CACNA2D3: variants seen among roughly 807,000 people sequenced by gnomAD.
CACNA2D3 encodes calcium voltage-gated channel auxiliary subunit alpha2delta 3, also known as voltage-dependent calcium channel subunit alpha-2/delta-3.
A neutral mutation model predicts 160.6 loss-of-function variants in CACNA2D3; 60 were observed. That is an observed-to-expected ratio of 0.37 (90% CI 0.30 to 0.46). The LOEUF is 0.46. Among genes scored for constraint, CACNA2D3 ranks in the 20% least tolerant of loss-of-function variants. CACNA2D3 has a pLI of 1.00. For synonymous variants in CACNA2D3, 558 were observed against 492.9 expected (o/e 1.13, Z -1.75); for missense variants, 1,205 against 1,365.0 (o/e 0.88, Z 1.85).
chr3:54,519,684 A>G (rs757630472), intron 5 of CACNA2D3, among the ~76,000 whole-genome samples: 1 of 152,362 alleles, frequency 6.6e-6, no homozygotes, highest in Non-Finnish European at 1.5e-5. Flanking sequence ...AAAGAGTCTT[A>G]TCTCCCATTC....
intron 4 of CACNA2D3, among the ~76,000 whole-genome samples, chr3:54,487,987 G>A (rs1453084958): frequency 5.3e-5 from 8 of 152,202 alleles, no homozygotes; most frequent in Admixed American, 6.5e-5. Context: ...TTTCAGGAAA[G>A]GTCTTCCTGT....
chr3:54,462,455 G>A (rs113797986), intron 4 of CACNA2D3, among the ~76,000 whole-genome samples: 141 of 152,278 alleles, frequency 9.3e-4, no homozygotes, highest in African/African-American at 3.2e-3. Flanking sequence ...GAATCTGGGT[G>A]CTCCTGTATT....
chr3:54,808,922 T>C (rs1427766916), intron 13 of CACNA2D3, among the ~76,000 whole-genome samples: 1 of 152,178 alleles, frequency 6.6e-6, no homozygotes, highest in East Asian at 1.9e-4. Context: ...CTAAGTACTC[T>C]GGAGGTTACG....
chr3:54,818,724 A>G (rs1344746068), intron 14 of CACNA2D3, among the ~76,000 whole-genome samples: 1 of 152,196 alleles, frequency 6.6e-6, no homozygotes, highest in African/African-American at 2.4e-5. Flanking sequence ...CAGACATCCC[A>G]AGGGACTTGT....
chr3:54,602,497 CAAAAAA>C (rs1156290031), intron 9 of CACNA2D3, among the ~76,000 whole-genome samples: 84 of 71,196 alleles, frequency 1.2e-3, no homozygotes, highest in African/African-American at 4.3e-3. Flanking sequence ...GATTCCATCT[CAAAAAA>C]AAAAAAAAAA....
At chr3:54,340,361 C>T (rs967299439) in intron 3 of CACNA2D3, among the ~76,000 whole-genome samples, 11 of 152,160 alleles carry the variant, frequency 7.2e-5, no homozygotes, top group African/African-American at 1.9e-4. Context: ...TCCATTAATA[C>T]GTCTTATTTC....
At position 54,856,143 on chromosome 3, in the gene CACNA2D3, G is replaced by A. The variant is rs116568896; in HGVS notation, c.1626+9676G>A. 1.8e-3 allele frequency among the ~76,000 whole-genome samples: 274 copies of A among 152,306 alleles called. 2 individuals carry two copies. Among genetic ancestry groups the A allele is most frequent in the African/African-American group, 6.3e-3 (263 of 41,558 alleles). On this transcript the variant is annotated intron_variant, in intron 17 of 37. Transcript: ENST00000474759. ...ATATCCAGGGCCTGGTGAGGTACTT[G>A]GCAAAGGAGGTGGAATGACAAATAA... is the stretch of plus-strand genomic sequence containing the variant.
chr3:54,833,272 G>T (rs1487336351), intron 14 of CACNA2D3, among the ~76,000 whole-genome samples: 4 of 152,150 alleles, frequency 2.6e-5, no homozygotes, highest in African/African-American at 7.2e-5. Flanking sequence ...GGTTTCAGAG[G>T]CCTGCTTAAA....
In CACNA2D3 at chr3:54,339,267, C is replaced by T. The variant is rs946191288; in HGVS notation, c.321+18709C>T. The stretch of plus-strand genomic sequence containing the variant: ...CAGTGTTCTCTCTGAGTGGAATCTT[C>T]TTCACCAAAATCTGGTCTCTCCTTG... On this transcript the variant is annotated intron_variant, in intron 3 of 37. Transcript: ENST00000474759. 2.6e-5 allele frequency among the ~76,000 whole-genome samples: 4 copies of T among 152,152 alleles called. No homozygotes were observed. The East Asian group carries it at 7.7e-4, about 29-fold the overall frequency.
intron 13 of CACNA2D3, among the ~76,000 whole-genome samples, chr3:54,768,477 A>G (rs546386070): frequency 6.6e-6 from 1 of 152,304 alleles, no homozygotes; most frequent in South Asian, 2.1e-4. Flanking sequence ...CTAATTACAT[A>G]CAGATATAGG....
At chr3:54,316,792 G>T (rs898213184) in intron 2 of CACNA2D3, among the ~76,000 whole-genome samples, 1 of 152,212 alleles carries the variant, frequency 6.6e-6, no homozygotes, top group Admixed American at 6.5e-5. Flanking sequence ...TGAAAACTTG[G>T]TGGAAAGTTA....
chr3:54,736,120 C>CATATATATGTATATATATACAT (rs1559563805), intron 11 of CACNA2D3, among the ~76,000 whole-genome samples: 16 of 45,992 alleles, frequency 3.5e-4, no homozygotes, highest in East Asian at 1.2e-3. Context: ...TATATATATA[C>CATATATATGTATATATATACAT]ATATATATAT....
chr3:54,500,992 C>T (rs549884793), intron 4 of CACNA2D3, among the ~76,000 whole-genome samples: 9 of 152,336 alleles, frequency 5.9e-5, no homozygotes, highest in Non-Finnish European at 1.0e-4. Context: ...GGCTGCTCTG[C>T]TTCCAATATG....
chr3:54,466,953 G>A (rs1700639206), intron 4 of CACNA2D3, among the ~76,000 whole-genome samples: 1 of 152,212 alleles, frequency 6.6e-6, no homozygotes, highest in African/African-American at 2.4e-5. Flanking sequence ...GTTCTGCTGT[G>A]CTGTGGCTTA....
At chr3:54,592,971 G>A (rs1205778111) in intron 9 of CACNA2D3, among the ~76,000 whole-genome samples, 1 of 152,160 alleles carries the variant, frequency 6.6e-6, no homozygotes. Context: ...CAGTTTGTGA[G>A]TGATACTGGG....
At chr3:54,712,059 G>C (rs1009966385) in intron 11 of CACNA2D3, among the ~76,000 whole-genome samples, 2 of 152,214 alleles carry the variant, frequency 1.3e-5, no homozygotes, top group African/African-American at 4.8e-5. Flanking sequence ...AGACAGCCTG[G>C]TTAAAATTCT....
At chr3:54,997,758 G>A (rs1702890714) in intron 31 of CACNA2D3, among the ~76,000 whole-genome samples, 1 of 152,082 alleles carries the variant, frequency 6.6e-6, no homozygotes. Context: ...TTTATTTGAA[G>A]TTCCCCAGGT....
At chr3:54,299,461 G>T (rs1703423983) in intron 2 of CACNA2D3, among the ~76,000 whole-genome samples, 1 of 152,162 alleles carries the variant, frequency 6.6e-6, no homozygotes, top group African/African-American at 2.4e-5. Flanking sequence ...TCGGTGTTTG[G>T]CTGATGTTCC....
intron 2 of CACNA2D3, among the ~76,000 whole-genome samples, chr3:54,223,056 C>T (rs954335573): frequency 6.6e-6 from 1 of 152,120 alleles, no homozygotes; most frequent in African/African-American, 2.4e-5. Flanking sequence ...ACCTTTACCA[C>T]CTTGTTAATT....
Sources: allele counts gnomAD v4.1 joint callset (sites outside exome capture counted in the v4.1 genomes callset), GRCh38; gene constraint gnomAD v4.1.1; transcripts MANE v1.5; gene names NCBI Gene and HGNC (gene_info 2026-07-23, HGNC 2026-07-21).